Variants in PDE2A observed in about 807,000 individuals in gnomAD.
PDE2A encodes the protein phosphodiesterase 2A.
In PDE2A, 53 loss-of-function variants were observed where a neutral mutation model predicts 133.6. That is an observed-to-expected ratio of 0.40 (90% CI 0.32 to 0.50). PDE2A has a LOEUF of 0.50. Among genes scored for constraint, PDE2A ranks in the 20% least tolerant of loss-of-function variants. The pLI is 0.73. For synonymous variants in PDE2A, 491 were observed against 490.2 expected, an observed-to-expected ratio of 1.00 and a Z score of -0.02; for missense variants, 796 against 1,232.4, an observed-to-expected ratio of 0.65 and a Z score of 5.30.
At position 72,608,687 on chromosome 11, in the gene PDE2A, G is replaced by C; in HGVS notation, c.209C>G (p.Ala70Gly). The change falls in exon 3 of 31, where the codon GCC (alanine) becomes GGC (glycine). Residue 70 changes from alanine (A) to glycine (G), a missense_variant. Ala to Gly is a moderately conservative substitution (Grantham distance 60). Coordinates refer to ENST00000334456, the MANE Select transcript of PDE2A (RefSeq NM_002599.5). ...ISGLQRAVKE[A>G]LSAVLPRVET... is the part of the protein sequence containing the mutation. ...CACTCGGGGGAGCACAGCTGACAGG[G>C]CCTCCTTGACAGCACGTTGCAGGCC... The C allele has an allele frequency of 6.4e-7, 1 of 1,572,888 alleles. No individual in the cohort carries two copies. The highest frequency in any genetic ancestry group is 1.2e-5 in the South Asian group (1 of 85,668).
chr11:72,620,281 C>T (rs1420404062), intron 2 of PDE2A, among the ~76,000 whole-genome samples: 1 of 152,130 alleles, frequency 6.6e-6, no homozygotes, highest in East Asian at 1.9e-4. Context: ...TCCCTGGGGC[C>T]CTGTGCTCTC....
rs899592318 is a variant in PDE2A at position 72,576,368 on chromosome 11, C to T, written c.*1016G>A. On this transcript the variant is annotated 3_prime_UTR_variant, in exon 31 of 31. Coordinates refer to ENST00000334456, the MANE Select transcript of PDE2A (RefSeq NM_002599.5). ...AGAGTCCCGGCCCTATGGGGTCTCCCAAGCCCCAGGGCACAGGTGGATATG... is the reference window on the plus strand; with the variant it reads ...AGAGTCCCGGCCCTATGGGGTCTCCTAAGCCCCAGGGCACAGGTGGATATG... The T allele has an allele frequency of 1.3e-5, 2 of 152,350 alleles. No homozygotes were observed. The highest frequency in any genetic ancestry group is 3.9e-4 in the East Asian group (2 of 5,164). 9.4% of individuals were successfully genotyped at this position (152,350 alleles called of 1,614,324 possible).
chr11:72,660,620 T>C (rs887279228), intron 1 of PDE2A, among the ~76,000 whole-genome samples: 5 of 152,130 alleles, frequency 3.3e-5, no homozygotes, highest in African/African-American at 1.2e-4. Flanking sequence ...GTGGCAGAAC[T>C]TGCACAATCC....
At chr11:72,639,565 G>A (rs1436168652) in intron 2 of PDE2A, among the ~76,000 whole-genome samples, 5 of 152,044 alleles carry the variant, frequency 3.3e-5, no homozygotes, top group African/African-American at 4.8e-5. Flanking sequence ...TCCCCTCTGC[G>A]GAGCACGAAG....
In PDE2A at chr11:72,590,035, C is replaced by T. The variant is rs1374725358; in HGVS notation, c.757-54G>A. The T allele has an allele frequency of 2.0e-6, 3 of 1,494,244 alleles. No homozygotes were observed. The highest frequency in any genetic ancestry group is 1.4e-5 in the African/African-American group (1 of 72,536). The allele number at this position is 1,494,244 out of a possible 1,614,324, so 92.6% of individuals were successfully genotyped here. Reference sequence around the variant, plus strand: ...GTGACCGCGGATCCGGGTCACCCCACTCCCCACCTGCTCCCCTCTCCGGGG... The same window carrying T: ...GTGACCGCGGATCCGGGTCACCCCATTCCCCACCTGCTCCCCTCTCCGGGG... On this transcript the variant is annotated intron_variant, in intron 9 of 30. Coordinates refer to ENST00000334456, the MANE Select transcript of PDE2A (RefSeq NM_002599.5). This position sits in a 1 kb window ranked among gnomAD's most constrained non-coding sequence, Gnocchi z 4.8.
intron 1 of PDE2A, among the ~76,000 whole-genome samples, chr11:72,666,599 C>A (rs188616733): frequency 1.3e-5 from 2 of 152,108 alleles, no homozygotes; most frequent in Non-Finnish European, 2.9e-5. Context: ...AGACATTAGG[C>A]GCGGCCTTAA....
chr11:72,595,996 C>G (rs554257868), intron 6 of PDE2A, among the ~76,000 whole-genome samples: 61 of 152,250 alleles, frequency 4.0e-4, no homozygotes, highest in Non-Finnish European at 6.0e-4. Context: ...AGAAAGCCCC[C>G]CTAGCTGCCT....
intron 17 of PDE2A, 22 bp from the exon 18 acceptor site, chr11:72,584,750 C>A (rs767873661): frequency 1.2e-6 from 2 of 1,612,336 alleles, no homozygotes; most frequent in Non-Finnish European, 1.7e-6. Flanking sequence ...GAGATGGAGT[C>A]GAGAGGAAGA....
chr11:72,626,615 C>T (rs781355251), intron 2 of PDE2A, among the ~76,000 whole-genome samples: 7 of 152,162 alleles, frequency 4.6e-5, no homozygotes, highest in African/African-American at 7.2e-5. Flanking sequence ...CTCGTATACT[C>T]GGAGCCTTCT....
chr11:72,581,275 GC>G, intron 23 of PDE2A, 81 bp downstream of exon 23: 3 of 1,418,296 alleles, frequency 2.1e-6, no homozygotes, highest in Non-Finnish European at 3.0e-6. Flanking sequence ...CGTGTAAAGT[GC>G]CTGACACACA....
At chr11:72,667,713 G>C (rs1855276870) in intron 1 of PDE2A, among the ~76,000 whole-genome samples, 1 of 152,036 alleles carries the variant, frequency 6.6e-6, no homozygotes, top group African/African-American at 2.4e-5. Context: ...AGGAGTAGGA[G>C]AGAAAGAGGA....
intron 25 of PDE2A, chr11:72,580,009 C>T (rs1292417078): frequency 9.5e-6 from 2 of 210,208 alleles, no homozygotes; most frequent in Non-Finnish European, 1.9e-5. Context: ...GAAGGGCTGT[C>T]ACTCAGAAAA....
intron 13 of PDE2A, among the ~76,000 whole-genome samples, chr11:72,587,323 C>A (rs1387857289): frequency 6.6e-6 from 1 of 152,182 alleles, no homozygotes; most frequent in East Asian, 1.9e-4. Context: ...GCTTCTGGAG[C>A]CCCTGTTCTC....
intron 13 of PDE2A, 116 bp downstream of exon 13, chr11:72,588,668 A>T: frequency 1.0e-6 from 1 of 969,786 alleles, no homozygotes. Context: ...TGTTCAACCC[A>T]CTGCTGCTGA....
intron 18 of PDE2A, 68 bp from the exon 19 acceptor site, chr11:72,584,381 C>G (rs764955040): frequency 7.8e-7 from 1 of 1,276,304 alleles, no homozygotes; most frequent in Admixed American, 1.8e-5. Flanking sequence ...GGGATCCGGC[C>G]GGGACCTGCC....
chr11:72,590,145 G>C lies in PDE2A; in HGVS notation c.756+47C>G. The C allele has an allele frequency of 6.6e-7, 1 of 1,508,576 alleles. No homozygotes were observed. Among genetic ancestry groups the C allele is most frequent in the Non-Finnish European group, 9.0e-7 (1 of 1,110,218 alleles). The allele number at this position is 1,508,576 out of a possible 1,614,324, so 93.4% of individuals were successfully genotyped here. On this transcript the variant is annotated intron_variant, in intron 9 of 30. Transcript: ENST00000334456. The surrounding 1 kb of genome is among the most constrained non-coding windows in gnomAD (Gnocchi z 4.8). ...GGGCTCAAGGGGAAGTTGGTCCCCGGAGGGAGACAGGACGGGGAGGTGGCC... is the reference window on the plus strand; with the variant it reads ...GGGCTCAAGGGGAAGTTGGTCCCCGCAGGGAGACAGGACGGGGAGGTGGCC...
In PDE2A at chr11:72,610,472, G is replaced by A. The variant is rs1363584792; in HGVS notation, c.145-1721C>T. On this transcript the variant is annotated intron_variant, in intron 2 of 30. Coordinates refer to ENST00000334456, the MANE Select transcript of PDE2A (RefSeq NM_002599.5). ...GCTTCAGCTCCAAATTTCACTCCTG[G>A]GTCTTCTTGGCTGCAGTTTCCTCCC... Among the ~76,000 whole-genome samples, 6 of 152,052 alleles carry A rather than the reference G, an allele frequency of 3.9e-5. No homozygotes were observed. The South Asian group carries it at 1.2e-3, about 32-fold the overall frequency.
chr11:72,655,420 C>A (rs537232096), intron 1 of PDE2A, among the ~76,000 whole-genome samples: 1 of 152,186 alleles, frequency 6.6e-6, no homozygotes, highest in Non-Finnish European at 1.5e-5. Context: ...TCCTCAAGAA[C>A]CTGGCCCAGG....
chr11:72,580,625 C>T lies in PDE2A; in HGVS notation c.2134-1G>A. The T allele has an allele frequency of 6.4e-7, 1 of 1,563,870 alleles. No homozygotes were observed. The highest frequency in any genetic ancestry group is 8.7e-7 in the Non-Finnish European group (1 of 1,152,600). Reference sequence around the variant, plus strand: ...TGTAGAGCGCAGCCAGCACAGATTTCTGGAAAAGCCCAGGAAAACTGTGGT... The same window carrying T: ...TGTAGAGCGCAGCCAGCACAGATTTTTGGAAAAGCCCAGGAAAACTGTGGT... On this transcript the variant is annotated splice_acceptor_variant, in intron 24 of 30. Coordinates refer to ENST00000334456, the MANE Select transcript of PDE2A (RefSeq NM_002599.5). LOFTEE classifies it high-confidence loss of function.
Sources: gnomAD v4.1 joint callset for allele counts (sites outside exome capture counted in the v4.1 genomes callset) on GRCh38, gnomAD v4.1.1 for gene constraint, Gnocchi (gnomAD v3.1) non-coding constraint, MANE v1.5 for transcripts, NCBI Gene and HGNC (gene_info 2026-07-23, HGNC 2026-07-21) for gene names.